USP49: variants seen among roughly 807,000 people sequenced by gnomAD.
The protein encoded by USP49 is ubiquitin carboxyl-terminal hydrolase 49.
A neutral mutation model predicts 58.6 loss-of-function variants in USP49; 24 were observed. That is an observed-to-expected ratio of 0.41 (90% CI 0.30 to 0.58). The LOEUF is 0.58. USP49 is among the 20% of genes least tolerant of loss of function. The pLI, the probability that USP49 is intolerant of heterozygous loss-of-function variation, is 0.30. For missense variants in USP49, 703 were observed against 866.1 expected, an observed-to-expected ratio of 0.81 and a Z score of 2.36; for synonymous variants, 408 against 365.1, an observed-to-expected ratio of 1.12 and a Z score of -1.34.
chr6:41,824,043 T>C (rs2127336536), intron 3 of USP49, among the ~76,000 whole-genome samples: 1 of 152,276 alleles, frequency 6.6e-6, no homozygotes, highest in Middle Eastern at 3.4e-3. Flanking sequence ...TCAAATGAGA[T>C]AGCCACGTAC....
chr6:41,832,322 T>C (rs1429096237), intron 3 of USP49, among the ~76,000 whole-genome samples: 1 of 152,234 alleles, frequency 6.6e-6, no homozygotes, highest in Non-Finnish European at 1.5e-5. Context: ...TTTAACCTAT[T>C]CTCTCCCAGT....
At chr6:41,835,935 G>A (rs1337109345) in intron 3 of USP49, among the ~76,000 whole-genome samples, 1 of 151,926 alleles carries the variant, frequency 6.6e-6, no homozygotes, top group Non-Finnish European at 1.5e-5. Context: ...AAAATTAGCT[G>A]GGCATGGTAA....
intron 3 of USP49, among the ~76,000 whole-genome samples, chr6:41,864,978 C>T (rs1246100618): frequency 6.6e-6 from 1 of 152,068 alleles, no homozygotes; most frequent in Admixed American, 6.5e-5. Context: ...TATTTTTCTT[C>T]AAATAATAAA....
At chr6:41,831,788 CA>C (rs1460018841) in intron 3 of USP49, among the ~76,000 whole-genome samples, 1 of 152,156 alleles carries the variant, frequency 6.6e-6, no homozygotes, top group Non-Finnish European at 1.5e-5. Context: ...GACAGACCTT[CA>C]AAAGTATCAC....
chr6:41,887,685 A>G (rs538225859), intron 2 of USP49, among the ~76,000 whole-genome samples: 4 of 152,352 alleles, frequency 2.6e-5, no homozygotes, highest in African/African-American at 7.2e-5. Context: ...TCTGCCCCCA[A>G]TCATTTGCCA....
chr6:41,893,038 G>C (rs1040195208), intron 1 of USP49, among the ~76,000 whole-genome samples: 1 of 152,158 alleles, frequency 6.6e-6, no homozygotes, highest in African/African-American at 2.4e-5. Context: ...TAGAAAATTA[G>C]TATTAATCTG....
intron 2 of USP49, among the ~76,000 whole-genome samples, chr6:41,884,567 A>G (rs1774675136): frequency 6.6e-6 from 1 of 152,180 alleles, no homozygotes; most frequent in East Asian, 1.9e-4. Flanking sequence ...GAAAATAGAC[A>G]TGGGAATGAG....
At chr6:41,810,008 C>T (rs1773222726) in intron 3 of USP49, among the ~76,000 whole-genome samples, 2 of 148,932 alleles carry the variant, frequency 1.3e-5, no homozygotes, top group African/African-American at 2.5e-5. Context: ...AAAAATTAGC[C>T]GGGCGCGGTG....
chr6:41,808,062 C>T (rs913647491), intron 3 of USP49, among the ~76,000 whole-genome samples: 2 of 152,174 alleles, frequency 1.3e-5, no homozygotes, highest in African/African-American at 4.8e-5. Flanking sequence ...CAGGCACGAG[C>T]CACTGCGCCC....
At chr6:41,892,717 C>A (rs1021126347) in intron 1 of USP49, among the ~76,000 whole-genome samples, 7 of 152,054 alleles carry the variant, frequency 4.6e-5, no homozygotes, top group African/African-American at 1.7e-4. Flanking sequence ...TATACAAACA[C>A]CAGCAAAAGT....
chr6:41,839,829 GGGGCTT>G (rs1773790790), intron 3 of USP49, among the ~76,000 whole-genome samples: 1 of 151,906 alleles, frequency 6.6e-6, no homozygotes, highest in Admixed American at 6.6e-5. Context: ...ATGGATTTGG[GGGGCTT>G]GGGGGTTAGG....
Position 41,806,238 on chromosome 6 carries a change from G to C in USP49, c.746C>G (p.Ala249Gly), listed in dbSNP as rs199768863. ...TLKLRRQPAMAPGVTGLRNLG... is the reference protein window; with the variant it reads ...TLKLRRQPAMGPGVTGLRNLG... ...GTTGCGCAGGCCCGTGACGCCTGGG[G>C]CCATGGCCGGCTGGCGACGCAGCTT... The change falls in exon 4 of 8, where the codon GCC (alanine) becomes GGC (glycine). Residue 249 changes from alanine (A) to glycine (G), a missense_variant. Ala to Gly is a moderately conservative substitution (Grantham distance 60, BLOSUM62 0). Coordinates refer to ENST00000682992, the MANE Select transcript of USP49 (RefSeq NM_001286554.2). The surrounding 1 kb of genome is among the most constrained non-coding windows in gnomAD (Gnocchi z 5.9). The C allele has an allele frequency of 1.4e-3, 2,185 of 1,610,200 alleles. 44 individuals are homozygous for C. In the South Asian group the frequency reaches 0.019, roughly 14 times the overall value.
intron 6 of USP49, 37 bp from the exon 7 acceptor site, chr6:41,798,966 T>C (rs186617965): frequency 1.4e-5 from 22 of 1,599,926 alleles, no homozygotes; most frequent in Admixed American, 1.0e-4. Context: ...TAGTAAAAAC[T>C]GGCATATATA....
chr6:41,862,690 T>C (rs1774243739), intron 3 of USP49, among the ~76,000 whole-genome samples: 1 of 152,220 alleles, frequency 6.6e-6, no homozygotes, highest in South Asian at 2.1e-4. Context: ...TTCAGACAAA[T>C]ATCAAAAAAC....
At chr6:41,888,117 C>CA (rs547835629) in intron 2 of USP49, among the ~76,000 whole-genome samples, 336 of 133,192 alleles carry the variant, frequency 2.5e-3, no homozygotes, top group Admixed American at 5.3e-3. Context: ...TGGAGTGGCA[C>CA]AATCTCAGCT....
chr6:41,875,468 A>G (rs532418617), intron 2 of USP49, among the ~76,000 whole-genome samples: 1 of 152,300 alleles, frequency 6.6e-6, no homozygotes, highest in South Asian at 2.1e-4. Context: ...ATAGTAAATA[A>G]TATCTTTTAT....
chr6:41,878,627 T>A (rs377266417), intron 2 of USP49, among the ~76,000 whole-genome samples: 5 of 152,202 alleles, frequency 3.3e-5, no homozygotes, highest in Admixed American at 3.3e-4. Flanking sequence ...ATTGGTAAAG[T>A]TCAGTCTGCC....
chr6:41,878,559 C>T (rs1774544088), intron 2 of USP49, among the ~76,000 whole-genome samples: 1 of 152,182 alleles, frequency 6.6e-6, no homozygotes, highest in East Asian at 1.9e-4. Context: ...GTTGCTACTT[C>T]ATCACTCTGC....
chr6:41,804,096 A>T, intron 4 of USP49, 86 bp from the exon 5 acceptor site: 1 of 1,211,980 alleles, frequency 8.3e-7, no homozygotes, highest in Non-Finnish European at 1.2e-6. Flanking sequence ...GACACACTTT[A>T]TCAAAACTAA....
Sources: allele counts gnomAD v4.1 joint callset (sites outside exome capture counted in the v4.1 genomes callset), GRCh38; gene constraint gnomAD v4.1.1; non-coding constraint Gnocchi (gnomAD v3.1); transcripts MANE v1.5; gene names NCBI Gene and HGNC (gene_info 2026-07-23, HGNC 2026-07-21).